The following ASAP1 variants were observed in gnomAD, a reference collection of about 807,000 sequenced individuals.
ASAP1 encodes ArfGAP with SH3 domain, ankyrin repeat and PH domain 1.
Under a neutral mutation model 145.2 loss-of-function variants are expected in ASAP1, and 43 were observed. That is an observed-to-expected ratio of 0.30 (90% CI 0.23 to 0.38). The LOEUF is 0.38. ASAP1 is among the 10% of genes least tolerant of loss of function. The pLI is 1.00. For synonymous variants in ASAP1, 546 were observed against 515.5 expected, an observed-to-expected ratio of 1.06 and a Z score of -0.80; for missense variants, 1,018 against 1,355.3, an observed-to-expected ratio of 0.75 and a Z score of 3.91.
At chr8:130,123,960 G>T (rs2097570782) in intron 18 of ASAP1, 53 bp downstream of exon 18, 6 of 1,352,566 alleles carry the variant, frequency 4.4e-6, no homozygotes, top group African/African-American at 1.5e-5. Flanking sequence ...TGGAAGGGTA[G>T]AAAAACAATT....
chr8:130,260,310 T>C (rs545903638), intron 3 of ASAP1, among the ~76,000 whole-genome samples: 2 of 152,254 alleles, frequency 1.3e-5, no homozygotes, highest in South Asian at 2.1e-4. Flanking sequence ...TACTAGACCA[T>C]AAATGAGCTC....
At chr8:130,163,756 G>C (rs773041891) in intron 11 of ASAP1, among the ~76,000 whole-genome samples, 31 of 152,168 alleles carry the variant, frequency 2.0e-4, no homozygotes, top group Non-Finnish European at 4.3e-4. Flanking sequence ...TCCTTTGATA[G>C]TGTTAACGGA....
At chr8:130,389,900 G>A (rs1303961561) in intron 2 of ASAP1, among the ~76,000 whole-genome samples, 2 of 152,016 alleles carry the variant, frequency 1.3e-5, no homozygotes, top group Admixed American at 1.3e-4. Flanking sequence ...GTCCCATTAT[G>A]TTGCCCAGGC....
At chr8:130,344,077 G>A (rs1223472501) in intron 3 of ASAP1, among the ~76,000 whole-genome samples, 1 of 152,178 alleles carries the variant, frequency 6.6e-6, no homozygotes, top group Non-Finnish European at 1.5e-5. Context: ...AGAGTAGACT[G>A]TAGCTTACGT....
chr8:130,340,519 T>TA (rs556191735), intron 3 of ASAP1, among the ~76,000 whole-genome samples: 23 of 152,250 alleles, frequency 1.5e-4, no homozygotes, highest in Non-Finnish European at 3.2e-4. Context: ...GATTAGTAAG[T>TA]ATTCATGGCA....
chr8:130,345,316 T>C (rs757101282), intron 3 of ASAP1, among the ~76,000 whole-genome samples: 7 of 152,216 alleles, frequency 4.6e-5, no homozygotes, highest in Non-Finnish European at 7.3e-5. Flanking sequence ...ATCCCTTTCA[T>C]ACCATATTGT....
chr8:130,323,241 G>T (rs112276383), intron 3 of ASAP1, among the ~76,000 whole-genome samples: 2 of 152,186 alleles, frequency 1.3e-5, no homozygotes, highest in African/African-American at 4.8e-5. Context: ...CTGCTATGCC[G>T]TTCTATTCAA....
Position 130,277,033 on chromosome 8 carries a change from G to A in ASAP1, c.187-40039C>T, listed in dbSNP as rs181391205. Among the ~76,000 whole-genome samples the A allele has an allele frequency of 7.6e-4, 116 of 152,192 alleles. 1 individual carries two copies. Among genetic ancestry groups the A allele is most frequent in the African/African-American group, 2.4e-3 (98 of 41,516 alleles). ...TCACAATAGGTACGGCTTTGACAGC[G>A]TAACCCCACCCTCACCCGTCCACAT... On this transcript the variant is annotated intron_variant, in intron 3 of 29. Coordinates refer to ENST00000518721, the MANE Select transcript of ASAP1 (RefSeq NM_018482.4).
chr8:130,356,413 C>T (rs756262034), intron 3 of ASAP1, among the ~76,000 whole-genome samples: 14 of 152,128 alleles, frequency 9.2e-5, no homozygotes, highest in South Asian at 2.1e-4. Flanking sequence ...ATGCAAAATG[C>T]TCCTGTATCA....
chr8:130,265,624 C>T (rs867157671), intron 3 of ASAP1, among the ~76,000 whole-genome samples: 1 of 150,624 alleles, frequency 6.6e-6, no homozygotes, highest in Non-Finnish European at 1.5e-5. Flanking sequence ...CTTGTAATCC[C>T]AGCACTTTGG....
rs528512377 is a variant in ASAP1, at chr8:130,188,350, C to T, written c.406-167G>A. Among the ~76,000 whole-genome samples, 8 of 152,288 alleles carry T rather than the reference C, an allele frequency of 5.3e-5. No homozygotes were observed. In the East Asian group the frequency reaches 1.5e-3, roughly 29 times the overall value. On this transcript the variant is annotated intron_variant, in intron 5 of 29. Transcript: ENST00000518721. ...TGACACCTCTGTAGGTTAGGCGACA[C>T]AATTATCACTACTTTGCAGCTGAGG...
At chr8:130,288,777 T>C (rs1238026099) in intron 3 of ASAP1, among the ~76,000 whole-genome samples, 1 of 152,156 alleles carries the variant, frequency 6.6e-6, no homozygotes, top group Non-Finnish European at 1.5e-5. Flanking sequence ...CACAGCAGCA[T>C]TACTTATAGA....
At chr8:130,252,855 A>C (rs991534124) in intron 3 of ASAP1, among the ~76,000 whole-genome samples, 1 of 152,168 alleles carries the variant, frequency 6.6e-6, no homozygotes, top group Non-Finnish European at 1.5e-5. Flanking sequence ...AGAGTTCCTT[A>C]AAAGAATTAA....
At chr8:130,312,674 A>T (rs1343116238) in intron 3 of ASAP1, among the ~76,000 whole-genome samples, 1 of 152,228 alleles carries the variant, frequency 6.6e-6, no homozygotes, top group Non-Finnish European at 1.5e-5. Context: ...AGGAAATTAA[A>T]TCAAGATAGC....
chr8:130,080,136 G>A (rs2097475746), intron 25 of ASAP1, among the ~76,000 whole-genome samples, 165 bp from the exon 26 acceptor site: 1 of 152,140 alleles, frequency 6.6e-6, no homozygotes, highest in Admixed American at 6.6e-5. Context: ...AAACAAAACT[G>A]AGCACTGTTT....
chr8:130,292,239 G>A (rs1337223913), intron 3 of ASAP1, among the ~76,000 whole-genome samples: 1 of 152,188 alleles, frequency 6.6e-6, no homozygotes, highest in Non-Finnish European at 1.5e-5. Flanking sequence ...ACCAACACAT[G>A]CCAGACAATG....
intron 18 of ASAP1, among the ~76,000 whole-genome samples, chr8:130,119,923 T>G (rs2097562865): frequency 6.6e-6 from 1 of 152,198 alleles, no homozygotes. Flanking sequence ...GACATAAACT[T>G]TCTTGCTCAA....
chr8:130,290,412 T>G (rs1263080108), intron 3 of ASAP1, among the ~76,000 whole-genome samples: 2 of 152,196 alleles, frequency 1.3e-5, no homozygotes, highest in Admixed American at 1.3e-4. Flanking sequence ...GATTCTAACT[T>G]GGGATGCCCA....
At chr8:130,292,611 C>T (rs1356276545) in intron 3 of ASAP1, among the ~76,000 whole-genome samples, 1 of 152,178 alleles carries the variant, frequency 6.6e-6, no homozygotes, top group Non-Finnish European at 1.5e-5. Context: ...ATTCCTGGTC[C>T]AGATTATTCT....
Sources: allele counts gnomAD v4.1 joint callset (sites outside exome capture counted in the v4.1 genomes callset), GRCh38; gene constraint gnomAD v4.1.1; transcripts MANE v1.5; gene names NCBI Gene and HGNC (gene_info 2026-07-23, HGNC 2026-07-21).